Variants in KTN1 observed in about 807,000 individuals in gnomAD.
KTN1 encodes the protein kinectin.
A neutral mutation model predicts 222.5 loss-of-function variants in KTN1; 130 were observed. The ratio of observed to expected loss-of-function variants is 0.58; its 90% confidence interval spans 0.51 to 0.68. The LOEUF (loss-of-function observed/expected upper bound fraction) is 0.68, where lower values mean the gene tolerates loss of function less well. Among genes scored for constraint, KTN1 ranks in the 30% least tolerant of loss-of-function variants. The pLI is 0.00. For synonymous variants in KTN1, 512 were observed against 496.3 expected (o/e 1.03, Z -0.42); for missense variants, 1,508 against 1,500.4 (o/e 1.01, Z -0.08).
At chr14:55,643,725 T>A (rs1011808125) in intron 18 of KTN1, among the ~76,000 whole-genome samples, 1 of 152,180 alleles carries the variant, frequency 6.6e-6, no homozygotes, top group Non-Finnish European at 1.5e-5. Context: ...AGCCTTAAAT[T>A]TTTCTTTTCC....
Position 55,653,000 on chromosome 14 carries a change from C to T in KTN1, c.2695-17C>T, listed in dbSNP as rs563418178. On this transcript the variant is annotated splice_polypyrimidine_tract_variant and intron_variant, in intron 26 of 43. Coordinates refer to ENST00000395314, the MANE Select transcript of KTN1 (RefSeq NM_001079521.2). ...TATACTTGACTATCAATTTAATTTA[C>T]ACCTATTCTTTTTAAGGATCTTCAA... 3.1e-5 allele frequency: 50 copies of T among 1,589,528 alleles called. 1 individual carries two copies. In the South Asian group the frequency reaches 4.9e-4, roughly 16 times the overall value.
At chr14:55,684,047 C>T in intron 43 of KTN1, 52 bp from the exon 44 acceptor site, 1 of 1,532,464 alleles carries the variant, frequency 6.5e-7, no homozygotes, top group South Asian at 1.2e-5. Context: ...CTTCTGATTG[C>T]CTTCTGTTGC....
At chr14:55,609,095 T>A (rs1480721803) in intron 1 of KTN1, among the ~76,000 whole-genome samples, 3 of 151,790 alleles carry the variant, frequency 2.0e-5, no homozygotes, top group African/African-American at 7.3e-5. Context: ...CATAGGTATA[T>A]GTGTGTCATG....
intron 1 of KTN1, among the ~76,000 whole-genome samples, chr14:55,581,450 T>G (rs1436052698): frequency 6.6e-6 from 1 of 151,818 alleles, no homozygotes; most frequent in Non-Finnish European, 1.5e-5. Flanking sequence ...AAGGTGTGTG[T>G]GTGTGTGTGA....
chr14:55,631,881 A>G (rs1353865559), intron 7 of KTN1, among the ~76,000 whole-genome samples: 2 of 152,148 alleles, frequency 1.3e-5, no homozygotes, highest in Admixed American at 1.3e-4. Flanking sequence ...TATGGCTGAT[A>G]TTAATAGGTT....
At chr14:55,615,814 T>C (rs2038276301) in intron 2 of KTN1, among the ~76,000 whole-genome samples, 1 of 151,778 alleles carries the variant, frequency 6.6e-6, no homozygotes, top group Admixed American at 6.6e-5. Context: ...TTCTTTTCCT[T>C]CCTTTCCTTC....
At position 55,588,102 on chromosome 14, in the gene KTN1, T is replaced by C. The variant is rs1016614469; in HGVS notation, c.-31+7748T>C. ...TTTGACTCTCCAGAAACTTAACTAC[T>C]AGTACCCTACTTTTGACTGGAAACC... On this transcript the variant is annotated intron_variant, in intron 1 of 43. Coordinates refer to ENST00000395314, the MANE Select transcript of KTN1 (RefSeq NM_001079521.2). Among the ~76,000 whole-genome samples, 6 of 152,298 alleles carry C rather than the reference T, an allele frequency of 3.9e-5. No individual in the cohort carries two copies. The East Asian group carries it at 1.2e-3, about 29-fold the overall frequency.
At chr14:55,652,614 T>C (rs553043925) in intron 25 of KTN1, among the ~76,000 whole-genome samples, 8 of 152,292 alleles carry the variant, frequency 5.3e-5, no homozygotes, top group East Asian at 1.9e-4. Context: ...TTAGCCAGGA[T>C]GGTCTTGATC....
At chr14:55,634,413 G>A (rs751995211) in intron 8 of KTN1, 113 bp from the exon 9 acceptor site, 2 of 801,584 alleles carry the variant, frequency 2.5e-6, no homozygotes, top group Middle Eastern at 2.7e-4. Context: ...GTTTCAGTTG[G>A]GCTGTAAATG....
Position 55,636,515 on chromosome 14 carries a change from G to A in KTN1, c.1528G>A (p.Glu510Lys). Residue 510 changes from glutamate (E) to lysine (K), a missense_variant, in exon 10 of 44, where the codon GAA becomes AAA. Glu to Lys is a moderately conservative substitution (Grantham distance 56, BLOSUM62 1). Transcript: ENST00000395314. ...GAGCTACATCAGGAAGAGAACAGCG[G>A]AACATGAGGCAGCACAGCAAGGTAA... Reference protein sequence around the residue: ...VQSYIRKRTAEHEAAQQDLQS... With the variant: ...VQSYIRKRTAKHEAAQQDLQS... 1 of 1,610,068 alleles carries A rather than the reference G, an allele frequency of 6.2e-7. No homozygotes were observed. The highest frequency in any genetic ancestry group is 1.7e-5 in the Admixed American group (1 of 59,536).
chr14:55,587,048 A>T (rs1389238809), intron 1 of KTN1, among the ~76,000 whole-genome samples: 1 of 152,098 alleles, frequency 6.6e-6, no homozygotes, highest in Non-Finnish European at 1.5e-5. Context: ...TAATACGCTT[A>T]TTTCTTTCTT....
intron 16 of KTN1, 62 bp from the exon 17 acceptor site, chr14:55,641,065 C>T (rs990456501): frequency 4.9e-5 from 72 of 1,469,820 alleles, no homozygotes; most frequent in Non-Finnish European, 6.4e-5. Context: ...TAGTTGTGCC[C>T]ATAATTCTTG....
In KTN1 at chr14:55,580,285, G is replaced by C. The variant is rs984337617; in HGVS notation, c.-100G>C. ...GCGGCGGCGGCGGCGGCGGCGCCTC[G>C]GAGCGGGCGGCCCGGGCTGTAGTGC... is the stretch of plus-strand genomic sequence containing the variant. On this transcript the variant is annotated 5_prime_UTR_variant, in exon 1 of 44. Coordinates refer to ENST00000395314, the MANE Select transcript of KTN1 (RefSeq NM_001079521.2). 6.5e-6 allele frequency: 1 copy of C among 154,352 alleles called. No homozygotes were observed. The highest frequency in any genetic ancestry group is 2.5e-5 in the African/African-American group (1 of 40,814). 9.6% of individuals were successfully genotyped at this position (154,352 alleles called of 1,614,324 possible).
At chr14:55,629,838 AAT>A (rs776154181) in intron 6 of KTN1, 117 bp from the exon 7 acceptor site, 1 of 737,682 alleles carries the variant, frequency 1.4e-6, no homozygotes, top group Non-Finnish European at 2.3e-6. Context: ...GCAAGTACTT[AAT>A]GTTTTATCAT....
chr14:55,600,744 C>T (rs2035854348), intron 1 of KTN1, among the ~76,000 whole-genome samples: 1 of 152,136 alleles, frequency 6.6e-6, no homozygotes, highest in Non-Finnish European at 1.5e-5. Context: ...AATTTTTGAA[C>T]AGTTTTGATG....
In KTN1 at chr14:55,670,577, A is replaced by G. The variant is rs1033167190; in HGVS notation, c.3268-152A>G. On this transcript the variant is annotated intron_variant, in intron 34 of 43. Coordinates refer to ENST00000395314, the MANE Select transcript of KTN1 (RefSeq NM_001079521.2). ...GTTATGTCCAACTTATGCAGTAGTT[A>G]CATTCCTCTTTGAAATTTGTAGCAA... 4.6e-5 allele frequency: 25 copies of G among 546,516 alleles called. No individual in the cohort carries two copies. The African/African-American group carries it at 4.9e-4, about 11-fold the overall frequency. 33.9% of individuals were successfully genotyped at this position (546,516 alleles called of 1,614,324 possible). A position where few individuals can be genotyped will look rare whatever the true frequency, so the allele number is the denominator to read the frequency against.
intron 29 of KTN1, among the ~76,000 whole-genome samples, 171 bp from the exon 30 acceptor site, chr14:55,658,375 A>C (rs564505442): frequency 6.6e-6 from 1 of 152,346 alleles, no homozygotes; most frequent in Non-Finnish European, 1.5e-5. Context: ...TAGTACTAAT[A>C]TAAATACTCT....
intron 34 of KTN1, among the ~76,000 whole-genome samples, chr14:55,669,076 T>C (rs2045193087): frequency 6.6e-6 from 1 of 152,076 alleles, no homozygotes; most frequent in East Asian, 1.9e-4. Context: ...TTTTTTTTTC[T>C]TTGTGGCATA....
chr14:55,619,904 A>T (rs1464249275), intron 5 of KTN1, among the ~76,000 whole-genome samples: 2 of 152,146 alleles, frequency 1.3e-5, no homozygotes, highest in East Asian at 3.9e-4. Context: ...CAAAGTCTTA[A>T]CTAATTTCAT....
Sources: gnomAD v4.1 joint callset for allele counts (sites outside exome capture counted in the v4.1 genomes callset) on GRCh38, gnomAD v4.1.1 for gene constraint, MANE v1.5 for transcripts, NCBI Gene and HGNC (gene_info 2026-07-23, HGNC 2026-07-21) for gene names.